Variants in ESRRG observed in about 807,000 individuals in gnomAD.
The protein encoded by ESRRG is estrogen related receptor gamma, also known as estrogen-related receptor gamma.
Under a neutral mutation model 44.0 loss-of-function variants are expected in ESRRG, and 13 were observed. The observed-to-expected ratio is 0.30, with a 90% CI of 0.19 to 0.47. The LOEUF is 0.47. Among genes scored for constraint, ESRRG ranks in the 20% least tolerant of loss-of-function variants. ESRRG has a pLI of 1.00. For missense variants in ESRRG, 395 were observed against 580.6 expected (o/e 0.68, Z 3.29); for synonymous variants, 215 against 214.6 (o/e 1.00, Z -0.02).
intron 2 of ESRRG, among the ~76,000 whole-genome samples, chr1:216,821,942 T>G (rs2095307060): frequency 6.6e-6 from 1 of 151,892 alleles, no homozygotes; most frequent in South Asian, 2.1e-4. Context: ...AAGCTTGGGA[T>G]GCTGACCTCC....
intron 5 of ESRRG, among the ~76,000 whole-genome samples, chr1:216,545,067 T>C (rs1036975035): frequency 2.0e-5 from 3 of 151,976 alleles, no homozygotes; most frequent in Admixed American, 1.3e-4. Context: ...ATTTTATTCA[T>C]TTGGAGACGG....
At chr1:216,758,679 G>T (rs1235985057) in intron 2 of ESRRG, among the ~76,000 whole-genome samples, 1 of 151,920 alleles carries the variant, frequency 6.6e-6, no homozygotes, top group Non-Finnish European at 1.5e-5. Flanking sequence ...CTACAAGCCA[G>T]CCTAATCAGT....
At chr1:216,702,561 G>A (rs564922594) in intron 1 of ESRRG, among the ~76,000 whole-genome samples, 166 of 147,962 alleles carry the variant, frequency 1.1e-3, no homozygotes, top group African/African-American at 4.0e-3. Flanking sequence ...TCAGGAGTTC[G>A]AGACCAGCCT....
intron 2 of ESRRG, among the ~76,000 whole-genome samples, chr1:216,808,587 G>A (rs936237601): frequency 9.9e-5 from 15 of 151,834 alleles, no homozygotes; most frequent in African/African-American, 3.1e-4. Context: ...TCACTCCACC[G>A]GCTAATTTTT....
At chr1:216,923,840 A>T (rs541953182) in intron 2 of ESRRG, among the ~76,000 whole-genome samples, 2 of 152,342 alleles carry the variant, frequency 1.3e-5, no homozygotes, top group East Asian at 3.9e-4. Flanking sequence ...GTTCAGTGTC[A>T]GAAATGGGAG....
intron 3 of ESRRG, among the ~76,000 whole-genome samples, chr1:216,581,876 T>A (rs2062838462): frequency 6.6e-6 from 1 of 152,220 alleles, no homozygotes; most frequent in African/African-American, 2.4e-5. Flanking sequence ...CCCAAAAATG[T>A]TTGCTAATTG....
At chr1:216,843,265 A>G (rs897937429) in intron 2 of ESRRG, among the ~76,000 whole-genome samples, 4 of 152,030 alleles carry the variant, frequency 2.6e-5, no homozygotes, top group African/African-American at 9.7e-5. Context: ...TGCTACTACA[A>G]CATGGCAAGC....
chr1:216,977,604 G>A (rs185386803), intron 1 of ESRRG, among the ~76,000 whole-genome samples: 23 of 152,100 alleles, frequency 1.5e-4, no homozygotes, highest in Admixed American at 5.2e-4. Flanking sequence ...GGGGCCTCCA[G>A]GAATCCAAGT....
intron 1 of ESRRG, among the ~76,000 whole-genome samples, chr1:216,995,904 C>T (rs376054473): frequency 3.3e-4 from 50 of 152,288 alleles, no homozygotes; most frequent in African/African-American, 1.2e-3. Context: ...TTGCCATTCA[C>T]TCCTATGCAC....
intron 2 of ESRRG, among the ~76,000 whole-genome samples, chr1:216,818,785 C>G (rs12745662): frequency 0.68 from 103,542 of 151,870 alleles, 35,981 homozygotes; most frequent in African/African-American, 0.77. Context: ...CCTACCGCAG[C>G]CCCCAGTGTG....
At chr1:216,738,564 T>A (rs2090270392) in intron 2 of ESRRG, among the ~76,000 whole-genome samples, 2 of 152,210 alleles carry the variant, frequency 1.3e-5, no homozygotes, top group African/African-American at 2.4e-5. Flanking sequence ...ATGTATTGTT[T>A]AGATAATTTT....
At chr1:216,631,556 T>G (rs1327699095) in intron 3 of ESRRG, among the ~76,000 whole-genome samples, 2 of 152,154 alleles carry the variant, frequency 1.3e-5, no homozygotes, top group African/African-American at 4.8e-5. Context: ...TTTTCTTCCT[T>G]TGGTCCCTCT....
At chr1:216,809,739 T>G (rs1240180634) in intron 2 of ESRRG, among the ~76,000 whole-genome samples, 1 of 152,064 alleles carries the variant, frequency 6.6e-6, no homozygotes, top group Admixed American at 6.6e-5. Context: ...CCAACAGGAC[T>G]GTTGCCGCTC....
chr1:216,714,690 T>C, intron 1 of ESRRG: 1 of 297,412 alleles, frequency 3.4e-6, no homozygotes, highest in Non-Finnish European at 5.0e-6. Flanking sequence ...CCTCTTATTA[T>C]TTGTCTTATT....
intron 2 of ESRRG, among the ~76,000 whole-genome samples, chr1:216,796,567 A>G (rs1481901851): frequency 1.3e-5 from 2 of 152,132 alleles, no homozygotes; most frequent in African/African-American, 4.8e-5. Context: ...GTTATTAATA[A>G]ATACACAGTC....
chr1:217,094,759 C>A (rs970243233), intron 1 of ESRRG, among the ~76,000 whole-genome samples: 3 of 152,198 alleles, frequency 2.0e-5, no homozygotes, highest in Admixed American at 6.5e-5. Flanking sequence ...TAGTGAAGAG[C>A]AGAATTGAGT....
intron 2 of ESRRG, among the ~76,000 whole-genome samples, chr1:216,654,226 T>A (rs900150651): frequency 6.6e-6 from 1 of 152,076 alleles, no homozygotes; most frequent in African/African-American, 2.4e-5. Flanking sequence ...ATTATGAATA[T>A]CAATTATGGT....
intron 3 of ESRRG, among the ~76,000 whole-genome samples, chr1:216,636,661 C>T (rs187242987): frequency 6.6e-6 from 1 of 152,156 alleles, no homozygotes; most frequent in African/African-American, 2.4e-5. Context: ...GATTCTAGAA[C>T]TGCAAGTTAA....
At chr1:217,133,421 C>G (rs937413225) in intron 1 of ESRRG, among the ~76,000 whole-genome samples, 1 of 152,260 alleles carries the variant, frequency 6.6e-6, no homozygotes, top group South Asian at 2.1e-4. Flanking sequence ...TGGGAGCCCA[C>G]GCTCGGGCCT....
Sources: allele counts gnomAD v4.1 joint callset (sites outside exome capture counted in the v4.1 genomes callset), GRCh38; gene constraint gnomAD v4.1.1; transcripts MANE v1.5; gene names NCBI Gene and HGNC (gene_info 2026-07-23, HGNC 2026-07-21).